Variants in USP30 observed in about 807,000 individuals in gnomAD.
USP30 encodes ubiquitin specific peptidase 30, also known as ubiquitin carboxyl-terminal hydrolase 30.
USP30 carries 41 observed loss-of-function variants against 68.2 expected under a neutral mutation model. That is an observed-to-expected ratio of 0.60 (90% CI 0.47 to 0.78). The LOEUF (loss-of-function observed/expected upper bound fraction) is 0.78, where lower values mean the gene tolerates loss of function less well. USP30 is among the 30% of genes least tolerant of loss of function. The pLI, the probability that USP30 is intolerant of heterozygous loss-of-function variation, is 0.00. For synonymous variants in USP30, 229 were observed against 253.7 expected (o/e 0.90, Z 0.93); for missense variants, 522 against 649.4 (o/e 0.80, Z 2.13).
At chr12:109,029,659 C>G (rs1429530503) in intron 3 of USP30, among the ~76,000 whole-genome samples, 1 of 152,176 alleles carries the variant, frequency 6.6e-6, no homozygotes, top group Non-Finnish European at 1.5e-5. Context: ...TCTGCTCTTT[C>G]TGGCTGCTTA....
At chr12:109,041,646 G>A (rs1298458044) in intron 3 of USP30, among the ~76,000 whole-genome samples, 2 of 150,596 alleles carry the variant, frequency 1.3e-5, no homozygotes, top group East Asian at 3.9e-4. Flanking sequence ...AAAAAAAAAA[G>A]AAAAAAGAAA....
intron 1 of USP30, chr12:109,054,145 C>T (rs2135700691): frequency 1.1e-5 from 5 of 443,770 alleles, no homozygotes; most frequent in South Asian, 6.4e-5. Context: ...ACTTCCATGA[C>T]AGTCCTTTAT....
chr12:109,069,844 C>T (rs916846891), intron 4 of USP30, among the ~76,000 whole-genome samples: 4 of 152,146 alleles, frequency 2.6e-5, no homozygotes, highest in South Asian at 2.1e-4. Context: ...CAGCGGAGAC[C>T]GGAAGTATAA....
chr12:109,025,680 CT>C (rs776538225), intron 2 of USP30, among the ~76,000 whole-genome samples: 39 of 147,260 alleles, frequency 2.6e-4, no homozygotes, highest in East Asian at 5.9e-4. Context: ...GGAACTGCCA[CT>C]TTTTTTTTTT....
Position 109,040,099 on chromosome 12 carries a change from A to G in USP30, c.-135-7491A>G, listed in dbSNP as rs941482783. On this transcript the variant is annotated intron_variant, in intron 3 of 15. Coordinates refer to the USP30 transcript ENST00000392784. The stretch of plus-strand genomic sequence containing the variant: ...TTTTCTACATGTGAAAACAGTTTTT[A>G]TAAAGAACATTTAAAATATTTATGT... Among the ~76,000 whole-genome samples, 8 of 152,276 alleles carry G rather than the reference A, an allele frequency of 5.3e-5. No individual in the cohort carries two copies. The South Asian group carries it at 1.7e-3, about 32-fold the overall frequency.
rs944540961 is a variant in USP30 at position 109,070,431 on chromosome 12, C to T, written c.481-1181C>T. Among the ~76,000 whole-genome samples the T allele has an allele frequency of 1.3e-5, 2 of 152,052 alleles. No individual in the cohort carries two copies. The highest frequency in any genetic ancestry group is 2.9e-5 in the Non-Finnish European group (2 of 68,020). On this transcript the variant is annotated intron_variant, in intron 4 of 12. Transcript: ENST00000257548. The surrounding 1 kb of genome is among the most constrained non-coding windows in gnomAD (Gnocchi z 4.0). ...GGATAGGAGGTAGCCGTGCGAAGGT[C>T]TGAGCACAGCCCGAAATGGGAATAA...
At chr12:109,024,139 C>G (rs1240845876) in intron 1 of USP30, among the ~76,000 whole-genome samples, 1 of 152,036 alleles carries the variant, frequency 6.6e-6, no homozygotes. Context: ...ATACGGGGAT[C>G]AATAACCATA....
chr12:109,069,622 G>A (rs1259963992), intron 4 of USP30, among the ~76,000 whole-genome samples: 1 of 152,232 alleles, frequency 6.6e-6, no homozygotes. Context: ...ATGACTTGCA[G>A]GAGTTTCCTG....
intron 8 of USP30, chr12:109,081,631 A>G (rs867174213): frequency 0.011 from 4,409 of 392,964 alleles, 38 homozygotes; most frequent in African/African-American, 0.052. Context: ...GCGCACACAC[A>G]CACACACACA....
At chr12:109,060,120 G>T (rs968782356) in intron 3 of USP30, 1 of 152,132 alleles carries the variant, frequency 6.6e-6, no homozygotes, top group South Asian at 2.1e-4. Flanking sequence ...TCACTTTTAT[G>T]AAATTTTTTT....
chr12:109,079,339 C>CTTTTTTTTTTTT (rs750712233), intron 7 of USP30, among the ~76,000 whole-genome samples: 37 of 62,274 alleles, frequency 5.9e-4, no homozygotes, highest in African/African-American at 1.4e-3. Context: ...TTTTCTTTTT[C>CTTTTTTTTTTTT]TTTTTTTTTT....
intron 3 of USP30, among the ~76,000 whole-genome samples, chr12:109,038,999 G>A (rs969216177): frequency 9.2e-5 from 14 of 152,084 alleles, no homozygotes; most frequent in Non-Finnish European, 1.3e-4. Flanking sequence ...TACATATTCC[G>A]GATACAAGTC....
rs764858696 is a variant in USP30, at chr12:109,082,737, A to G, written c.942A>G (p.Leu314=). Residue 314 remains leucine (L), a synonymous_variant, in exon 10 of 13, where the codon CTA becomes CTG. Transcript: ENST00000257548. The part of the protein sequence containing the change: ...QRTTFVKQLK[L]GKLPQCLCIH... ...CCACTTTTGTTAAACAGTTAAAACT[A>G]GGGAAGGTGAGCCCACACTACACAC... 5.0e-6 allele frequency: 8 copies of G among 1,613,824 alleles called. No homozygotes were observed. In the East Asian group the frequency reaches 1.6e-4, roughly 31 times the overall value.
intron 7 of USP30, among the ~76,000 whole-genome samples, chr12:109,076,225 A>G (rs2041599764): frequency 6.6e-6 from 1 of 152,202 alleles, no homozygotes; most frequent in Non-Finnish European, 1.5e-5. Context: ...CCACTAGTAT[A>G]TAGACATACA....
intron 3 of USP30, among the ~76,000 whole-genome samples, chr12:109,029,107 T>G (rs1467867418): frequency 6.6e-6 from 1 of 152,222 alleles, no homozygotes; most frequent in African/African-American, 2.4e-5. Context: ...AGCTTCTGAT[T>G]GCCACAGTAC....
chr12:109,031,634 G>A (rs75961872), intron 3 of USP30, among the ~76,000 whole-genome samples: 104 of 152,340 alleles, frequency 6.8e-4, no homozygotes, highest in Non-Finnish European at 1.2e-3. Context: ...TAAACAAAAT[G>A]TGGTCTATCC....
intron 3 of USP30, among the ~76,000 whole-genome samples, chr12:109,042,404 A>G (rs2040571291): frequency 6.6e-6 from 1 of 152,130 alleles, no homozygotes; most frequent in Non-Finnish European, 1.5e-5. Context: ...ATTTATCCCT[A>G]CAATTATAAA....
At chr12:109,039,429 C>A (rs1566077229) in intron 3 of USP30, among the ~76,000 whole-genome samples, 1 of 152,074 alleles carries the variant, frequency 6.6e-6, no homozygotes, top group Non-Finnish European at 1.5e-5. Context: ...AGTCATTTGA[C>A]CTTAGATAAA....
chr12:109,072,317 A>G lies in USP30; in HGVS notation c.592A>G (p.Ile198Val), dbSNP rs1433924278. 1 of 1,613,908 alleles carries G rather than the reference A, an allele frequency of 6.2e-7. No individual in the cohort carries two copies. Among genetic ancestry groups the G allele is most frequent in the Non-Finnish European group, 8.5e-7 (1 of 1,179,960 alleles). Residue 198 changes from isoleucine to valine, a missense_variant, in exon 6 of 13, where the codon ATA becomes GTA. Transcript: ENST00000257548. Reference protein sequence around the residue: ...DVHSLEQQSEITPKQITCRTR... With the variant: ...DVHSLEQQSEVTPKQITCRTR... ...TTCTCCCCTACAGCAGCAGTCAGAA[A>G]TAACTCCCAAACAAATTACCTGCCG...
Sources: allele counts gnomAD v4.1 joint callset (sites outside exome capture counted in the v4.1 genomes callset), GRCh38; gene constraint gnomAD v4.1.1; non-coding constraint Gnocchi (gnomAD v3.1); transcripts MANE v1.5; gene names NCBI Gene and HGNC (gene_info 2026-07-23, HGNC 2026-07-21).